KLF12: variants seen among roughly 807,000 people sequenced by gnomAD.
KLF12 encodes KLF transcription factor 12, also known as Krueppel-like factor 12.
A neutral mutation model predicts 37.8 loss-of-function variants in KLF12; 9 were observed. The ratio of observed to expected loss-of-function variants is 0.24; its 90% CI spans 0.14 to 0.42. The LOEUF (loss-of-function observed/expected upper bound fraction) is 0.42, where lower values mean the gene tolerates loss of function less well. Ranked by LOEUF, KLF12 falls within the 10% of genes least tolerant of loss-of-function variation. The probability of loss-of-function intolerance (pLI) is 1.00; values close to 1 mark genes in which losing one functional copy is unlikely to be tolerated. For synonymous variants in KLF12, 208 were observed against 202.1 expected, an observed-to-expected ratio of 1.03 and a Z score of -0.25; for missense variants, 411 against 516.0, an observed-to-expected ratio of 0.80 and a Z score of 1.97.
intron 2 of KLF12, among the ~76,000 whole-genome samples, chr13:73,970,128 A>C (rs1891288531): frequency 6.6e-6 from 1 of 152,158 alleles, no homozygotes; most frequent in South Asian, 2.1e-4. Context: ...TGCACAGTTC[A>C]TGCTTTATTT....
At chr13:74,218,891 C>T in the KLF12 span, among the ~76,000 whole-genome samples, 1 of 151,718 alleles carries the variant, frequency 6.6e-6, no homozygotes, top group Non-Finnish European at 1.5e-5. Flanking sequence ...CCCCTTATAC[C>T]ACACCCCAGG....
At chr13:73,892,209 T>C (rs1566441808) in intron 3 of KLF12, among the ~76,000 whole-genome samples, 1 of 152,096 alleles carries the variant, frequency 6.6e-6, no homozygotes, top group African/African-American at 2.4e-5. Context: ...TGAACTATTG[T>C]ATAATCTGAA....
In KLF12 at chr13:74,089,561, C is replaced by T. The variant is rs114015418; in HGVS notation, c.-32+44178G>A. Among the ~76,000 whole-genome samples, 612 of 151,814 alleles carry T rather than the reference C, an allele frequency of 4.0e-3. 5 individuals are homozygous for T. The highest frequency in any genetic ancestry group is 0.014 in the African/African-American group (573 of 41,422). The stretch of plus-strand genomic sequence containing the variant: ...ATGCAGAAATCCTCAAAATAGCAAA[C>T]CAAACCTAGCAACATGAAAAAATTA... On this transcript the variant is annotated intron_variant, in intron 1 of 7. Coordinates refer to ENST00000377669, the MANE Select transcript of KLF12 (RefSeq NM_007249.5).
At chr13:74,294,668 C>T in the KLF12 span, among the ~76,000 whole-genome samples, 1 of 152,102 alleles carries the variant, frequency 6.6e-6, no homozygotes, top group Non-Finnish European at 1.5e-5. Flanking sequence ...TGCCTGGCCT[C>T]TTCCACATGC....
chr13:74,067,830 C>A (rs1874005845), intron 1 of KLF12, among the ~76,000 whole-genome samples: 1 of 152,192 alleles, frequency 6.6e-6, no homozygotes, highest in South Asian at 2.1e-4. Flanking sequence ...TAAATGATGT[C>A]AGGGAAGGGG....
At chr13:74,053,255 A>C (rs1016340385) in intron 1 of KLF12, among the ~76,000 whole-genome samples, 18 of 152,218 alleles carry the variant, frequency 1.2e-4, no homozygotes, top group Non-Finnish European at 2.9e-5. Context: ...TGAAAAACTG[A>C]CTATATCCTA....
At chr13:74,017,798 G>C (rs1460553626) in intron 1 of KLF12, among the ~76,000 whole-genome samples, 1 of 152,062 alleles carries the variant, frequency 6.6e-6, no homozygotes, top group Non-Finnish European at 1.5e-5. Context: ...AAGCTGCAGT[G>C]AAAGGCACAG....
the KLF12 span, among the ~76,000 whole-genome samples, chr13:74,286,048 T>C: frequency 6.6e-6 from 1 of 152,172 alleles, no homozygotes; most frequent in Non-Finnish European, 1.5e-5. Flanking sequence ...CCCCAACCAC[T>C]ACTCTTAGCT....
At chr13:74,111,629 T>A (rs1038234859) in intron 1 of KLF12, among the ~76,000 whole-genome samples, 1 of 152,152 alleles carries the variant, frequency 6.6e-6, no homozygotes, top group African/African-American at 2.4e-5. Flanking sequence ...AAAAGTCCAA[T>A]TAATCATTCA....
the KLF12 span, among the ~76,000 whole-genome samples, chr13:74,194,319 C>G: frequency 6.6e-6 from 1 of 152,194 alleles, no homozygotes; most frequent in East Asian, 1.9e-4. Context: ...TTAATGGACA[C>G]TGTCTTAGTC....
At chr13:74,302,352 CA>C in the KLF12 span, among the ~76,000 whole-genome samples, 1 of 152,052 alleles carries the variant, frequency 6.6e-6, no homozygotes, top group Admixed American at 6.6e-5. Context: ...GGATAAGATA[CA>C]GAGTGAAAAA....
intron 1 of KLF12, among the ~76,000 whole-genome samples, chr13:74,107,927 G>A (rs139210613): frequency 1.2e-4 from 18 of 152,300 alleles, no homozygotes; most frequent in African/African-American, 3.4e-4. Context: ...CTTGAGGTAC[G>A]ACATTAGACA....
At chr13:74,028,407 T>C (rs1040462711) in intron 1 of KLF12, among the ~76,000 whole-genome samples, 3 of 152,202 alleles carry the variant, frequency 2.0e-5, no homozygotes, top group African/African-American at 4.8e-5. Context: ...GACCTGCGTA[T>C]GCAGAATAAT....
intron 6 of KLF12, among the ~76,000 whole-genome samples, chr13:73,736,304 T>G (rs1403462383): frequency 6.6e-6 from 1 of 152,198 alleles, no homozygotes; most frequent in African/African-American, 2.4e-5. Flanking sequence ...ATGACATTAA[T>G]TAAGGATATC....
At chr13:73,765,048 A>G in intron 5 of KLF12, 48 bp from the exon 6 acceptor site, 1 of 1,143,380 alleles carries the variant, frequency 8.7e-7, no homozygotes, top group Non-Finnish European at 1.3e-6. Context: ...CATATTCCCA[A>G]TTGCAAATTT....
intron 5 of KLF12, among the ~76,000 whole-genome samples, chr13:73,771,323 A>C (rs1400276357): frequency 6.6e-6 from 1 of 152,336 alleles, no homozygotes; most frequent in East Asian, 1.9e-4. Context: ...TAAAGTAGGC[A>C]CTCAATAAAT....
In KLF12 at chr13:74,034,428, AGCT is replaced by A. The variant is rs546697997; in HGVS notation, c.-31-39378_-31-39376del. Among the ~76,000 whole-genome samples the A allele has an allele frequency of 4.0e-3, 616 of 152,306 alleles. 5 individuals carry two copies. The highest frequency in any genetic ancestry group is 0.017 in the Middle Eastern group (5 of 294). On this transcript the variant is annotated intron_variant, in intron 1 of 7. Coordinates refer to ENST00000377669, the MANE Select transcript of KLF12 (RefSeq NM_007249.5). ...ATATTTTCCCATCTTTATATTGGGCAGCTGCTGCCTTACTTTATTTAAGAGGTT... is the reference window on the plus strand; with the variant it reads ...ATATTTTCCCATCTTTATATTGGGCAGCTGCCTTACTTTATTTAAGAGGTT...
At chr13:73,739,641 C>T (rs7319665) in intron 6 of KLF12, among the ~76,000 whole-genome samples, 1,721 of 152,240 alleles carry the variant, frequency 0.011, 34 homozygotes, top group African/African-American at 0.04. Flanking sequence ...CTGCTGTTAT[C>T]TGACATTCTC....
At chr13:73,941,834 C>T (rs932966907) in intron 3 of KLF12, among the ~76,000 whole-genome samples, 8 of 151,880 alleles carry the variant, frequency 5.3e-5, no homozygotes, top group South Asian at 2.1e-4. Context: ...AAGAGGTACA[C>T]ATAAACCCAA....
Sources: gnomAD v4.1 joint callset for allele counts (sites outside exome capture counted in the v4.1 genomes callset) on GRCh38, gnomAD v4.1.1 for gene constraint, MANE v1.5 for transcripts, NCBI Gene and HGNC (gene_info 2026-07-23, HGNC 2026-07-21) for gene names.